Variants in SSPN observed in about 807,000 individuals in gnomAD.
SSPN encodes the protein K-ras oncogene-associated protein.
Under a neutral mutation model 19.1 loss-of-function variants are expected in SSPN, and 15 were observed. That is an observed-to-expected ratio of 0.78 (90% CI 0.52 to 1.21). The LOEUF is 1.21. Among genes scored for constraint, SSPN ranks in the 50% most tolerant of loss-of-function variants. The pLI is 0.00. For synonymous variants in SSPN, 147 were observed against 140.3 expected, an observed-to-expected ratio of 1.05 and a Z score of -0.34; for missense variants, 291 against 314.0, an observed-to-expected ratio of 0.93 and a Z score of 0.55.
At position 26,177,323 on chromosome 12, in the gene SSPN, G is replaced by A. The variant is rs535017700; in HGVS notation, c.-30-46970G>A. On this transcript the variant is annotated intron_variant, in intron 1 of 2. Coordinates refer to the SSPN transcript ENST00000538142. ...TCCAGCCTAGGCTCCTGAAACCCTC[G>A]GACATGGTGCTGGTTGCTACATGGC... is the stretch of plus-strand genomic sequence containing the variant. 6.6e-5 allele frequency among the ~76,000 whole-genome samples: 10 copies of A among 152,204 alleles called. No individual in the cohort carries two copies. The South Asian group carries it at 1.5e-3, about 22-fold the overall frequency.
intron 1 of SSPN, among the ~76,000 whole-genome samples, chr12:26,207,556 A>C (rs1041678347): frequency 6.6e-6 from 1 of 152,200 alleles, no homozygotes; most frequent in South Asian, 2.1e-4. Flanking sequence ...GAAAATTTGT[A>C]TATATCCATA....
rs546420783 is a variant in SSPN, at chr12:26,122,603, A to C, written c.-31+451A>C. ...CCGCGGCGGCAGGGTCGGGCCCCAG[A>C]AGCGCGGCTGCCGCCGCCGCCGCGC... On this transcript the variant is annotated intron_variant, in intron 1 of 2. Transcript: ENST00000538142. 1.2e-4 allele frequency: 133 copies of C among 1,115,392 alleles called. No homozygotes were observed. Among genetic ancestry groups the C allele is most frequent in the Non-Finnish European group, 1.4e-4 (130 of 917,788 alleles). 69.1% of individuals were successfully genotyped at this position (1,115,392 alleles called of 1,614,324 possible). A position where few individuals can be genotyped will look rare whatever the true frequency, so the allele number is the denominator to read the frequency against.
At chr12:26,166,086 C>A (rs1944619217) in intron 1 of SSPN, among the ~76,000 whole-genome samples, 1 of 152,082 alleles carries the variant, frequency 6.6e-6, no homozygotes, top group Non-Finnish European at 1.5e-5. Flanking sequence ...AACACATGAA[C>A]ACAGGGAGGG....
chr12:26,161,356 C>G (rs1460106506), intron 1 of SSPN, among the ~76,000 whole-genome samples: 1 of 152,052 alleles, frequency 6.6e-6, no homozygotes, highest in Non-Finnish European at 1.5e-5. Flanking sequence ...GCCCGAGGGT[C>G]TTGGCTTTAG....
At chr12:26,191,236 G>A (rs888534098), upstream of SSPN, among the ~76,000 whole-genome samples, 1 of 152,120 alleles carries the variant, frequency 6.6e-6, no homozygotes, top group Non-Finnish European at 1.5e-5. Context: ...ATTACATGTA[G>A]AAAAATTTGG....
intron 1 of SSPN, among the ~76,000 whole-genome samples, chr12:26,213,808 ACATTCTCCATAG>A (rs1945017912): frequency 6.6e-6 from 1 of 152,122 alleles, no homozygotes; most frequent in East Asian, 1.9e-4. Flanking sequence ...GATAATTGCT[ACATTCTCCATAG>A]CTCTTCTCAA....
At chr12:26,123,054 G>A (rs1944328485) in intron 1 of SSPN, 3 of 1,583,502 alleles carry the variant, frequency 1.9e-6, no homozygotes, top group Non-Finnish European at 1.7e-6. Context: ...CGGCTCCCTG[G>A]GTGTCCAGCT....
Position 26,153,443 on chromosome 12 carries a change from C to T in SSPN, c.-31+31291C>T, listed in dbSNP as rs571892547. On this transcript the variant is annotated intron_variant, in intron 1 of 2. Transcript: ENST00000538142. ...TTTGTTTTCTTATTTCCTTTCTCCT[C>T]TCCTGGAATTTGAGCTCCATGAGAG... Among the ~76,000 whole-genome samples the T allele has an allele frequency of 6.6e-5, 10 of 152,322 alleles. No homozygotes were observed. In the East Asian group the frequency reaches 1.7e-3, roughly 26 times the overall value.
At chr12:26,195,488 A>G, upstream of SSPN, 1 of 1,085,854 alleles carries the variant, frequency 9.2e-7, no homozygotes, top group Non-Finnish European at 1.2e-6. Flanking sequence ...ACCCCCCTCG[A>G]ATCCCCCCTC....
At chr12:26,217,058 G>T (rs1299182957) in intron 1 of SSPN, among the ~76,000 whole-genome samples, 1 of 150,174 alleles carries the variant, frequency 6.7e-6, no homozygotes, top group East Asian at 2.0e-4. Flanking sequence ...GGTGATGCGA[G>T]CTCTTTTTTG....
At chr12:26,212,024 G>C (rs1944992822) in intron 1 of SSPN, among the ~76,000 whole-genome samples, 1 of 152,026 alleles carries the variant, frequency 6.6e-6, no homozygotes. Flanking sequence ...TCTCATTTCT[G>C]GCAAATGCAT....
intron 1 of SSPN, among the ~76,000 whole-genome samples, chr12:26,130,860 A>G (rs1350418561): frequency 6.6e-6 from 1 of 151,778 alleles, no homozygotes; most frequent in African/African-American, 2.4e-5. Flanking sequence ...GGGAAGGATG[A>G]AAGGGTGCCT....
intron 1 of SSPN, among the ~76,000 whole-genome samples, chr12:26,213,808 A>G (rs1565689758): frequency 6.6e-6 from 1 of 152,122 alleles, no homozygotes; most frequent in Non-Finnish European, 1.5e-5. Context: ...GATAATTGCT[A>G]CATTCTCCAT....
intron 1 of SSPN, chr12:26,124,253 G>GGGGGGGGCGC: frequency 1.3e-6 from 1 of 785,906 alleles, no homozygotes; most frequent in Non-Finnish European, 2.1e-6. Flanking sequence ...ACCCTCGTCT[G>GGGGGGGGCGC]CCCCCCCCGC....
At chr12:26,215,545 G>A (rs1237629501) in intron 1 of SSPN, among the ~76,000 whole-genome samples, 1 of 152,146 alleles carries the variant, frequency 6.6e-6, no homozygotes, top group Non-Finnish European at 1.5e-5. Context: ...CTTTGTGTTG[G>A]TTATCTTGAA....
intron 1 of SSPN, among the ~76,000 whole-genome samples, chr12:26,154,869 G>A (rs1307582428): frequency 6.6e-6 from 1 of 152,134 alleles, no homozygotes; most frequent in Non-Finnish European, 1.5e-5. Context: ...AGAATTATAT[G>A]AGAAAGTAGT....
At chr12:26,156,786 G>A (rs947836800) in intron 1 of SSPN, among the ~76,000 whole-genome samples, 2 of 152,216 alleles carry the variant, frequency 1.3e-5, no homozygotes, top group Non-Finnish European at 2.9e-5. Context: ...TGCTGTAGAG[G>A]ACACAGCGAG....
rs890266673 is a variant in SSPN, at chr12:26,233,898, C to T, written c.*2822C>T. On this transcript the variant is annotated 3_prime_UTR_variant, in exon 3 of 3. Coordinates refer to ENST00000242729, the MANE Select transcript of SSPN (RefSeq NM_005086.5). This position sits in a 1 kb window ranked among gnomAD's most constrained non-coding sequence, Gnocchi z 4.3. ...AGCCCACTCGATCGGTCTGTGCCTT[C>T]ACGTGACCACCATCTGTGCCTCCCT... 5.3e-5 allele frequency: 8 copies of T among 152,260 alleles called. No homozygotes were observed. Among genetic ancestry groups the T allele is most frequent in the African/African-American group, 1.9e-4 (8 of 41,466 alleles). 9.4% of individuals were successfully genotyped at this position (152,260 alleles called of 1,614,324 possible). A position where few individuals can be genotyped will look rare whatever the true frequency, so the allele number is the denominator to read the frequency against.
intron 1 of SSPN, among the ~76,000 whole-genome samples, chr12:26,163,562 A>C (rs889059789): frequency 2.6e-5 from 4 of 152,210 alleles, no homozygotes; most frequent in African/African-American, 4.8e-5. Flanking sequence ...CAGAAGGCAA[A>C]AAGGCAAGTG....
Sources: gnomAD v4.1 joint callset for allele counts (sites outside exome capture counted in the v4.1 genomes callset) on GRCh38, gnomAD v4.1.1 for gene constraint, Gnocchi (gnomAD v3.1) non-coding constraint, MANE v1.5 for transcripts, NCBI Gene and HGNC (gene_info 2026-07-23, HGNC 2026-07-21) for gene names.